Variants in CABIN1 observed in about 807,000 individuals in gnomAD.
CABIN1 encodes the protein calcineurin-binding protein cabin-1.
In CABIN1, 133 loss-of-function variants were observed where a neutral mutation model predicts 227.7. The ratio of observed to expected loss-of-function variants is 0.58; its 90% CI spans 0.51 to 0.67. The LOEUF (loss-of-function observed/expected upper bound fraction) is 0.67. Ranked by LOEUF, CABIN1 falls within the 30% of genes least tolerant of loss-of-function variation. CABIN1 has a pLI of 0.00. For synonymous variants in CABIN1, 1,086 were observed against 1,155.1 expected (o/e 0.94, Z 1.21); for missense variants, 2,408 against 2,852.5 (o/e 0.84, Z 3.55).
At chr22:24,049,292 C>T in intron 7 of CABIN1, 72 bp downstream of exon 7, 2 of 1,565,964 alleles carry the variant, frequency 1.3e-6, no homozygotes, top group Admixed American at 1.7e-5. Context: ...GAGCACACCA[C>T]ATTCTCCCCT....
In CABIN1 at chr22:24,167,000, C is replaced by T. The variant is rs1463935016; in HGVS notation, c.5369C>T (p.Pro1790Leu). Reference sequence around the variant, plus strand: ...GGTCGCCCCGCAAGGGACCGGGGCCCCGAGAGCCGGCCCACTGAGCTGTCC... The same window carrying T: ...GGTCGCCCCGCAAGGGACCGGGGCCTCGAGAGCCGGCCCACTGAGCTGTCC... ...LPGRPARDRG[P>L]ESRPTELSLE... The change falls in exon 32 of 37, where the codon CCC becomes CTC. Residue 1790 changes from proline (P) to leucine (L), a missense_variant. Physicochemically the swap from Pro to Leu is moderately conservative, Grantham distance 98. Coordinates refer to ENST00000263119, the MANE Select transcript of CABIN1 (RefSeq NM_012295.4). 1 of 1,564,694 alleles carries T rather than the reference C, an allele frequency of 6.4e-7. No individual in the cohort carries two copies.
At chr22:24,084,543 A>G (rs1272524517) in intron 20 of CABIN1, 36 bp from the exon 21 acceptor site, 2 of 1,525,232 alleles carry the variant, frequency 1.3e-6, no homozygotes, top group African/African-American at 1.4e-5. Flanking sequence ...TTTACCCTGA[A>G]TGTGTTACTA....
intron 23 of CABIN1, among the ~76,000 whole-genome samples, chr22:24,089,514 C>T (rs560986973): frequency 5.9e-5 from 9 of 152,096 alleles, no homozygotes; most frequent in Admixed American, 2.0e-4. Context: ...GCAGATGTCC[C>T]GACAGGGAGG....
At chr22:24,168,570 A>G (rs1447914585) in intron 33 of CABIN1, 49 bp downstream of exon 33, 16 of 1,392,564 alleles carry the variant, frequency 1.1e-5, no homozygotes, top group South Asian at 8.6e-5. Flanking sequence ...AGCCTGCTCC[A>G]TATCAAGGCC....
rs373410946 is a variant in CABIN1, at chr22:24,055,101, G to C, written c.1035G>C (p.Val345=). The C allele has an allele frequency of 4.2e-5, 67 of 1,613,996 alleles. 1 individual carries two copies. The highest frequency in any genetic ancestry group is 5.5e-5 in the Non-Finnish European group (65 of 1,180,044). Residue 345 remains valine, a synonymous_variant, in exon 9 of 37, where the codon GTG becomes GTC. Transcript: ENST00000263119. ...VAEPVVSYTS[V]ATTSFPLHSP... ...AGCCTGTGGTCTCCTACACCTCTGT[G>C]GCTACAACCAGCTTCCCACTGCACA...
At chr22:24,156,225 C>A (rs1306266533) in intron 29 of CABIN1, 3 of 388,686 alleles carry the variant, frequency 7.7e-6, no homozygotes, top group Non-Finnish European at 4.6e-6. Context: ...CTCTGGCGGC[C>A]GCCCCCCGCC....
chr22:24,018,332 T>C (rs748082344), intron 1 of CABIN1, among the ~76,000 whole-genome samples: 1 of 152,224 alleles, frequency 6.6e-6, no homozygotes, highest in Non-Finnish European at 1.5e-5. Flanking sequence ...TATCACTCTT[T>C]TACTGTTTGT....
At chr22:24,031,227 G>T (rs544050446) in intron 1 of CABIN1, among the ~76,000 whole-genome samples, 18 of 152,286 alleles carry the variant, frequency 1.2e-4, no homozygotes, top group African/African-American at 3.6e-4. Flanking sequence ...TGAGAGGCCT[G>T]TGTCTTGGCA....
At chr22:24,066,359 C>T (rs554036176) in intron 15 of CABIN1, among the ~76,000 whole-genome samples, 1 of 152,356 alleles carries the variant, frequency 6.6e-6, no homozygotes, top group African/African-American at 2.4e-5. Flanking sequence ...TCAGCTGGAG[C>T]AGACCAGTAT....
At chr22:24,162,582 G>A (rs373748477) in intron 29 of CABIN1, among the ~76,000 whole-genome samples, 1 of 152,248 alleles carries the variant, frequency 6.6e-6, no homozygotes, top group Non-Finnish European at 1.5e-5. Context: ...AAAAGGCCAA[G>A]CAAGATGCCA....
chr22:24,061,787 C>T (rs1047485572), intron 12 of CABIN1, among the ~76,000 whole-genome samples, 160 bp from the exon 13 acceptor site: 5 of 152,288 alleles, frequency 3.3e-5, no homozygotes, highest in Non-Finnish European at 4.4e-5. Flanking sequence ...TATGTTCTGG[C>T]GAGTAGCCAC....
chr22:24,119,623 C>T lies in CABIN1; in HGVS notation c.4557C>T (p.Cys1519=). 6.2e-7 allele frequency: 1 copy of T among 1,613,850 alleles called. No individual in the cohort carries two copies. Among genetic ancestry groups the T allele is most frequent in the Non-Finnish European group, 8.5e-7 (1 of 1,179,944 alleles). The change falls in exon 28 of 37, where the codon TGC becomes TGT. Residue 1519 remains cysteine (C), a synonymous_variant. Transcript: ENST00000263119. The part of the protein sequence containing the change: ...TEQCIASFRL[C]LSRFPQHYKS... Reference sequence around the variant, plus strand: ...AGTGCATCGCCTCCTTCCGCCTGTGCCTGAGCCGCTTCCCCCAGCACTATA... The same window carrying T: ...AGTGCATCGCCTCCTTCCGCCTGTGTCTGAGCCGCTTCCCCCAGCACTATA...
intron 1 of CABIN1, among the ~76,000 whole-genome samples, chr22:24,023,152 C>G (rs1299386341): frequency 1.3e-5 from 2 of 152,108 alleles, no homozygotes; most frequent in Non-Finnish European, 2.9e-5. Flanking sequence ...AATATTTGTA[C>G]TTTTGTATAT....
At chr22:24,041,029 G>C in intron 4 of CABIN1, 110 bp from the exon 5 acceptor site, 1 of 1,311,396 alleles carries the variant, frequency 7.6e-7, no homozygotes, top group Non-Finnish European at 1.1e-6. Context: ...GACAACACTA[G>C]ACTGGCTCAA....
intron 29 of CABIN1, among the ~76,000 whole-genome samples, chr22:24,158,189 A>G (rs980778432): frequency 6.6e-6 from 1 of 152,120 alleles, no homozygotes; most frequent in African/African-American, 2.4e-5. Flanking sequence ...TTGCCCACCC[A>G]TCTTACCACG....
chr22:24,079,719 A>G (rs1177689107), intron 19 of CABIN1, among the ~76,000 whole-genome samples: 1 of 152,144 alleles, frequency 6.6e-6, no homozygotes, highest in Non-Finnish European at 1.5e-5. Context: ...TTGCCTGTTC[A>G]CATGATTTGC....
chr22:24,074,240 T>G (rs1311603104), intron 18 of CABIN1, among the ~76,000 whole-genome samples: 1 of 152,118 alleles, frequency 6.6e-6, no homozygotes, highest in African/African-American at 2.4e-5. Context: ...AAAAATTAGT[T>G]TTCAAAAAAC....
At chr22:24,111,506 G>T (rs1036907532) in intron 26 of CABIN1, among the ~76,000 whole-genome samples, 1 of 152,160 alleles carries the variant, frequency 6.6e-6, no homozygotes, top group African/African-American at 2.4e-5. Flanking sequence ...AGAATCTAAT[G>T]CCAGAGAATA....
chr22:24,076,068 A>C, intron 18 of CABIN1, 101 bp from the exon 19 acceptor site: 1 of 789,618 alleles, frequency 1.3e-6, no homozygotes, highest in Non-Finnish European at 2.2e-6. Flanking sequence ...CATGTTGATA[A>C]AGACAGAAAA....
Sources: allele counts gnomAD v4.1 joint callset (sites outside exome capture counted in the v4.1 genomes callset), GRCh38; gene constraint gnomAD v4.1.1; transcripts MANE v1.5; gene names NCBI Gene and HGNC (gene_info 2026-07-23, HGNC 2026-07-21).